Variants in ESRRG observed in about 807,000 individuals in gnomAD.
The protein encoded by ESRRG is estrogen-related receptor gamma.
A neutral mutation model predicts 44.0 loss-of-function variants in ESRRG; 13 were observed. The ratio of observed to expected loss-of-function variants is 0.30; its 90% CI spans 0.19 to 0.47. ESRRG has a LOEUF of 0.47. ESRRG is among the 20% of genes least tolerant of loss of function. The pLI is 1.00. For synonymous variants in ESRRG, 215 were observed against 214.6 expected, an observed-to-expected ratio of 1.00 and a Z score of -0.02; for missense variants, 395 against 580.6, an observed-to-expected ratio of 0.68 and a Z score of 3.29.
intron 2 of ESRRG, among the ~76,000 whole-genome samples, chr1:216,672,085 T>A (rs1259196338): frequency 1.3e-5 from 2 of 150,446 alleles, no homozygotes; most frequent in Non-Finnish European, 2.9e-5. Flanking sequence ...CAGACTCCAA[T>A]CATTTATGAA....
At chr1:216,695,905 A>G (rs1575434120) in intron 1 of ESRRG, among the ~76,000 whole-genome samples, 1 of 152,194 alleles carries the variant, frequency 6.6e-6, no homozygotes, top group Non-Finnish European at 1.5e-5. Context: ...CAACAAGGAT[A>G]TGTTCTGGGA....
intron 3 of ESRRG, among the ~76,000 whole-genome samples, chr1:216,622,260 T>C (rs986043458): frequency 6.6e-6 from 1 of 152,214 alleles, no homozygotes; most frequent in Non-Finnish European, 1.5e-5. Flanking sequence ...CCTCTGCAGT[T>C]CTAAGAACTA....
intron 2 of ESRRG, among the ~76,000 whole-genome samples, chr1:216,905,261 G>A (rs1018475366): frequency 5.3e-5 from 8 of 151,816 alleles, no homozygotes; most frequent in African/African-American, 1.9e-4. Flanking sequence ...CCAGCCTCAA[G>A]TCCAGACACT....
chr1:216,525,739 C>T (rs1329788349), intron 5 of ESRRG, among the ~76,000 whole-genome samples: 1 of 152,092 alleles, frequency 6.6e-6, no homozygotes, highest in East Asian at 1.9e-4. Context: ...TAGGGAAAAA[C>T]ACCATTTGGA....
In ESRRG at chr1:216,914,656, A is replaced by G. The variant is rs546331114; in HGVS notation, c.-14+24926T>C. Among the ~76,000 whole-genome samples the G allele has an allele frequency of 3.1e-4, 47 of 152,294 alleles. 1 individual carries two copies. Among genetic ancestry groups the G allele is most frequent in the African/African-American group, 1.1e-3 (47 of 41,564 alleles). ...TAGTGCCAGTGGTTTGATCTTGCAC[A>G]TGTTACCCCTTGATACCTCCTCTGC... On this transcript the variant is annotated intron_variant, in intron 2 of 7. Coordinates refer to the ESRRG transcript ENST00000359162.
intron 1 of ESRRG, among the ~76,000 whole-genome samples, chr1:217,011,298 G>A (rs1275230817): frequency 6.6e-6 from 1 of 152,156 alleles, no homozygotes; most frequent in Non-Finnish European, 1.5e-5. Flanking sequence ...AACATAAAAG[G>A]AAGTCCCAAG....
chr1:216,724,013 T>C (rs2152086118), upstream of ESRRG, among the ~76,000 whole-genome samples: 1 of 152,278 alleles, frequency 6.6e-6, no homozygotes, highest in Middle Eastern at 3.4e-3. Flanking sequence ...GTTTTCCTGA[T>C]GTATGCTGGG....
intron 1 of ESRRG, among the ~76,000 whole-genome samples, chr1:217,026,104 G>A (rs562530121): frequency 2.0e-5 from 3 of 152,158 alleles, no homozygotes; most frequent in South Asian, 2.1e-4. Flanking sequence ...TTAGTTGCCC[G>A]ACCTCTCATC....
At chr1:216,948,611 T>TC (rs1449717836) in intron 1 of ESRRG, among the ~76,000 whole-genome samples, 3 of 151,802 alleles carry the variant, frequency 2.0e-5, no homozygotes, top group African/African-American at 7.2e-5. Context: ...GTACCCCCTC[T>TC]CCCCCCATAA....
chr1:216,789,946 G>T (rs1475343409), intron 2 of ESRRG, among the ~76,000 whole-genome samples: 1 of 152,130 alleles, frequency 6.6e-6, no homozygotes, highest in Non-Finnish European at 1.5e-5. Flanking sequence ...CAGCCAGGTG[G>T]GCAATGTGAC....
chr1:216,766,785 C>G (rs756615200), intron 2 of ESRRG, among the ~76,000 whole-genome samples: 2 of 152,116 alleles, frequency 1.3e-5, no homozygotes, highest in Non-Finnish European at 2.9e-5. Flanking sequence ...GAAGGCTCTA[C>G]CTTATCCATC....
chr1:216,563,284 C>T (rs1217317789), intron 5 of ESRRG, among the ~76,000 whole-genome samples: 2 of 152,180 alleles, frequency 1.3e-5, no homozygotes, highest in Non-Finnish European at 2.9e-5. Flanking sequence ...GAACGCTGCA[C>T]ACCTAATGAC....
intron 1 of ESRRG, among the ~76,000 whole-genome samples, chr1:216,943,392 C>A (rs954663241): frequency 2.6e-5 from 4 of 152,284 alleles, no homozygotes; most frequent in South Asian, 4.1e-4. Context: ...GGGGAATTGC[C>A]TCTCTAAATA....
chr1:216,541,356 C>T (rs933838418), intron 5 of ESRRG, among the ~76,000 whole-genome samples: 11 of 151,980 alleles, frequency 7.2e-5, no homozygotes, highest in African/African-American at 2.7e-4. Context: ...CTTCTATCTG[C>T]TTTAATTACA....
chr1:217,083,041 C>T (rs2091870477), intron 1 of ESRRG, among the ~76,000 whole-genome samples: 1 of 152,176 alleles, frequency 6.6e-6, no homozygotes, highest in African/African-American at 2.4e-5. Flanking sequence ...AACTCTCATT[C>T]TGTTTTACTG....
At chr1:216,645,885 A>T (rs111249233) in intron 3 of ESRRG, among the ~76,000 whole-genome samples, 1 of 151,320 alleles carries the variant, frequency 6.6e-6, no homozygotes, top group Non-Finnish European at 1.5e-5. Flanking sequence ...AAAAAAAAAA[A>T]AAAAAAAAAT....
At chr1:216,562,466 A>G (rs1469518187) in intron 5 of ESRRG, among the ~76,000 whole-genome samples, 1 of 152,054 alleles carries the variant, frequency 6.6e-6, no homozygotes, top group African/African-American at 2.4e-5. Context: ...CCTGGGTTAG[A>G]ACAGTGGTTT....
chr1:216,933,446 A>T (rs1409717893), intron 2 of ESRRG, among the ~76,000 whole-genome samples: 12 of 152,028 alleles, frequency 7.9e-5, no homozygotes, highest in Admixed American at 5.2e-4. Flanking sequence ...AAAAAAAAAA[A>T]AATTCGTTTG....
intron 3 of ESRRG, among the ~76,000 whole-genome samples, chr1:216,582,763 T>G (rs1448773990): frequency 6.6e-6 from 1 of 152,216 alleles, no homozygotes; most frequent in African/African-American, 2.4e-5. Flanking sequence ...TTTCTTCTGT[T>G]GGCCTGGACA....
Sources: allele counts gnomAD v4.1 joint callset (sites outside exome capture counted in the v4.1 genomes callset), GRCh38; gene constraint gnomAD v4.1.1; transcripts MANE v1.5; gene names NCBI Gene and HGNC (gene_info 2026-07-23, HGNC 2026-07-21).